ANK3: variants seen among roughly 807,000 people sequenced by gnomAD.
The protein encoded by ANK3 is ankyrin 3.
A neutral mutation model predicts 370.9 loss-of-function variants in ANK3; 57 were observed. That is an observed-to-expected ratio of 0.15 (90% CI 0.12 to 0.19). The LOEUF is 0.19. ANK3 is among the 10% of genes least tolerant of loss of function. ANK3 has a pLI of 1.00. For synonymous variants in ANK3, 1,929 were observed against 1,946.3 expected, an observed-to-expected ratio of 0.99 and a Z score of 0.23; for missense variants, 4,439 against 5,302.1, an observed-to-expected ratio of 0.84 and a Z score of 5.06.
chr10:60,702,745 A>G (rs2079561211), intron 1 of ANK3, among the ~76,000 whole-genome samples: 2 of 152,250 alleles, frequency 1.3e-5, no homozygotes, highest in African/African-American at 2.4e-5. Flanking sequence ...TAATCAGAAT[A>G]TCATCATTTT....
intron 2 of ANK3, among the ~76,000 whole-genome samples, chr10:60,513,885 T>C (rs1416698520): frequency 6.6e-6 from 1 of 152,174 alleles, no homozygotes; most frequent in Non-Finnish European, 1.5e-5. Flanking sequence ...AGTCCACTTA[T>C]ACACGGACCT....
chr10:60,703,090 C>T (rs1172401897), intron 1 of ANK3, among the ~76,000 whole-genome samples: 1 of 152,056 alleles, frequency 6.6e-6, no homozygotes, highest in Admixed American at 6.6e-5. Flanking sequence ...GATATATCAA[C>T]TAATCAAAAT....
intron 2 of ANK3, among the ~76,000 whole-genome samples, chr10:60,446,581 CT>C (rs1211255882): frequency 6.6e-6 from 1 of 152,144 alleles, no homozygotes; most frequent in African/African-American, 2.4e-5. Flanking sequence ...TATTTTACTC[CT>C]TTTTATCTCT....
At chr10:60,547,338 G>A (rs1304686406) in intron 2 of ANK3, among the ~76,000 whole-genome samples, 12 of 151,970 alleles carry the variant, frequency 7.9e-5, no homozygotes, top group Admixed American at 3.3e-4. Context: ...TGATCCACTC[G>A]CTTCGGCCTC....
intron 28 of ANK3, among the ~76,000 whole-genome samples, chr10:60,094,474 C>T (rs1370729037): frequency 6.6e-6 from 1 of 152,062 alleles, no homozygotes. Context: ...AGGCATGACC[C>T]GTGAAAACCA....
chr10:60,085,067 T>A, intron 31 of ANK3, 90 bp downstream of exon 31: 1 of 1,071,272 alleles, frequency 9.3e-7, no homozygotes, highest in Admixed American at 2.8e-5. Context: ...CACAACAATT[T>A]TTTTTAGTAT....
intron 2 of ANK3, among the ~76,000 whole-genome samples, chr10:60,516,222 A>G (rs1450610206): frequency 6.6e-6 from 1 of 152,154 alleles, no homozygotes; most frequent in Non-Finnish European, 1.5e-5. Flanking sequence ...TAAATGAAGA[A>G]CAGTCATAAA....
rs372673696 is a variant in ANK3, at chr10:60,213,525, A to C, written c.898-15T>G. On this transcript the variant is annotated splice_polypyrimidine_tract_variant and intron_variant, in intron 8 of 43. Transcript: ENST00000280772. ...GTCAGACCATCCTGTTGAACAAAGGAAACATCACCAATTAAATTTGACAAT... is the reference window on the plus strand; with the variant it reads ...GTCAGACCATCCTGTTGAACAAAGGCAACATCACCAATTAAATTTGACAAT... 16 of 1,533,180 alleles carry C rather than the reference A, an allele frequency of 1.0e-5. No homozygotes were observed. The African/African-American group carries it at 1.9e-4, about 18-fold the overall frequency. The allele number at this position is 1,533,180 out of a possible 1,614,324, so 95.0% of individuals were successfully genotyped here.
chr10:60,534,885 T>A (rs2076688027), intron 2 of ANK3, among the ~76,000 whole-genome samples: 1 of 152,134 alleles, frequency 6.6e-6, no homozygotes, highest in Non-Finnish European at 1.5e-5. Flanking sequence ...AGTACTTCCC[T>A]AGCTTTTCAG....
intron 2 of ANK3, among the ~76,000 whole-genome samples, chr10:60,509,370 T>G (rs1346632146): frequency 6.6e-6 from 1 of 152,130 alleles, no homozygotes; most frequent in Non-Finnish European, 1.5e-5. Flanking sequence ...TTTTAAACAA[T>G]TATTTGAGGC....
chr10:60,400,655 T>C (rs903932576), intron 2 of ANK3, among the ~76,000 whole-genome samples: 5 of 152,134 alleles, frequency 3.3e-5, no homozygotes, highest in Non-Finnish European at 1.5e-5. Context: ...AAGAAACAAG[T>C]CTTGCTTCAG....
At chr10:60,618,393 T>A (rs2078292325) in intron 1 of ANK3, among the ~76,000 whole-genome samples, 1 of 152,200 alleles carries the variant, frequency 6.6e-6, no homozygotes, top group African/African-American at 2.4e-5. Context: ...TAGAAATATT[T>A]TAATATTCAT....
Position 60,625,420 on chromosome 10 carries a change from C to A in ANK3, c.58-10196G>T, listed in dbSNP as rs773117086. Among the ~76,000 whole-genome samples the A allele has an allele frequency of 3.9e-5, 6 of 152,158 alleles. No homozygotes were observed. The East Asian group carries it at 1.2e-3, about 29-fold the overall frequency. ...CTACATCATTGTCCCTAGCTAATTT[C>A]TTTATTTAGAAAGTATGTGATCACC... On this transcript the variant is annotated intron_variant, in intron 1 of 43. Coordinates refer to the ANK3 transcript ENST00000373827.
At chr10:60,156,545 C>CATTATCCCTCCCCCA (rs2095333130) in intron 23 of ANK3, among the ~76,000 whole-genome samples, 1 of 152,006 alleles carries the variant, frequency 6.6e-6, no homozygotes. Flanking sequence ...AGAGTGACCG[C>CATTATCCCTCCCCCA]ATTATCCCTC....
intron 1 of ANK3, among the ~76,000 whole-genome samples, chr10:60,644,959 T>C (rs1220924797): frequency 1.3e-5 from 2 of 150,650 alleles, no homozygotes; most frequent in African/African-American, 4.9e-5. Flanking sequence ...AAAACTCAGG[T>C]ATATTTTTAG....
rs147672087 is a variant in ANK3 at position 60,496,532 on chromosome 10, C to G, written c.96+118654G>C. 7.4e-3 allele frequency among the ~76,000 whole-genome samples: 1,126 copies of G among 151,436 alleles called. 5 individuals carry two copies. Among genetic ancestry groups the G allele is most frequent in the Admixed American group, 0.016 (236 of 15,200 alleles). On this transcript the variant is annotated intron_variant, in intron 2 of 43. Transcript: ENST00000373827. ...TAGAATACTACATAACATTTCGTCTCTGGGGGAATTTAATCTGCTCTTTTT... is the reference window on the plus strand; with the variant it reads ...TAGAATACTACATAACATTTCGTCTGTGGGGGAATTTAATCTGCTCTTTTT...
chr10:60,541,708 T>C (rs1165879175), intron 2 of ANK3, among the ~76,000 whole-genome samples: 1 of 152,042 alleles, frequency 6.6e-6, no homozygotes, highest in East Asian at 1.9e-4. Context: ...GTCTCACTAC[T>C]TACTAGGCTA....
At position 60,618,831 on chromosome 10, in the gene ANK3, AG is replaced by A. The variant is rs374630348; in HGVS notation, c.58-3608del. ...CCTCTACAGCTCACCACATTATGGAAGGGCAAGTTTGGCTCCTATTCACCTG... is the reference window on the plus strand; with the variant it reads ...CCTCTACAGCTCACCACATTATGGAAGGCAAGTTTGGCTCCTATTCACCTG... On this transcript the variant is annotated intron_variant, in intron 1 of 43. Transcript: ENST00000373827. Among the ~76,000 whole-genome samples, 254 of 152,276 alleles carry A rather than the reference AG, an allele frequency of 1.7e-3. 1 individual carries two copies. The highest frequency in any genetic ancestry group is 5.8e-3 in the African/African-American group (240 of 41,564).
intron 1 of ANK3, among the ~76,000 whole-genome samples, chr10:60,292,837 A>G (rs760660069): frequency 5.3e-5 from 8 of 151,628 alleles, no homozygotes; most frequent in Non-Finnish European, 7.4e-5. Flanking sequence ...CCTCCTGAGT[A>G]GCTGGAATTA....
Sources: allele counts gnomAD v4.1 joint callset (sites outside exome capture counted in the v4.1 genomes callset), GRCh38; gene constraint gnomAD v4.1.1; transcripts MANE v1.5; gene names NCBI Gene and HGNC (gene_info 2026-07-23, HGNC 2026-07-21).